Variants in IGDCC4 observed in about 807,000 individuals in gnomAD.
IGDCC4 encodes likely ortholog of mouse neighbor of Punc E11.
A neutral mutation model predicts 116.6 loss-of-function variants in IGDCC4; 72 were observed. The ratio of observed to expected loss-of-function variants is 0.62; its 90% CI spans 0.51 to 0.75. IGDCC4 has a LOEUF of 0.75. IGDCC4 is among the 30% of genes least tolerant of loss of function. IGDCC4 has a pLI of 0.00. For synonymous variants in IGDCC4, 709 were observed against 719.9 expected (o/e 0.98, Z 0.24); for missense variants, 1,501 against 1,662.4 (o/e 0.90, Z 1.69).
chr15:65,411,028 T>A lies in IGDCC4; in HGVS notation c.413A>T (p.Lys138Met). The change falls in exon 2 of 20, where the codon AAG becomes ATG. Residue 138 changes from lysine to methionine, a missense_variant. Physicochemically the swap from Lys to Met is moderately conservative, Grantham distance 95. Transcript: ENST00000352385. ...GVLASQTAVVKLATLADFSLH... is the reference protein window; with the variant it reads ...GVLASQTAVVMLATLADFSLH... The stretch of plus-strand genomic sequence containing the variant: ...CCGATGCAAGCACTTACTGGCAAGC[T>A]TGACGACAGCAGTCTGGCTGGCCAG... 5 of 1,606,992 alleles carry A rather than the reference T, an allele frequency of 3.1e-6. No individual in the cohort carries two copies. The highest frequency in any genetic ancestry group is 3.4e-6 in the Non-Finnish European group (4 of 1,174,920).
intron 1 of IGDCC4, among the ~76,000 whole-genome samples, chr15:65,417,808 G>A (rs1007744101): frequency 6.6e-6 from 1 of 152,066 alleles, no homozygotes; most frequent in Non-Finnish European, 1.5e-5. Flanking sequence ...GTTGGTCAGG[G>A]TGGTCTCGAA....
chr15:65,417,760 T>C (rs2063157756), intron 1 of IGDCC4, among the ~76,000 whole-genome samples: 1 of 152,110 alleles, frequency 6.6e-6, no homozygotes, highest in South Asian at 2.1e-4. Flanking sequence ...CATGCCTGGC[T>C]AGTTTTTGTA....
chr15:65,422,487 G>T (rs1266319323), intron 1 of IGDCC4, among the ~76,000 whole-genome samples: 1 of 148,430 alleles, frequency 6.7e-6, no homozygotes, highest in Non-Finnish European at 1.5e-5. Context: ...CGCGACCATG[G>T]CACGCACTGC....
intron 3 of IGDCC4, among the ~76,000 whole-genome samples, chr15:65,408,346 G>T (rs971801411): frequency 1.3e-5 from 2 of 152,166 alleles, no homozygotes; most frequent in African/African-American, 4.8e-5. Flanking sequence ...TAGCTCATCT[G>T]TTCTGGGTTC....
intron 3 of IGDCC4, among the ~76,000 whole-genome samples, chr15:65,406,473 C>T (rs1017113261): frequency 1.3e-5 from 2 of 152,040 alleles, no homozygotes; most frequent in African/African-American, 4.8e-5. Context: ...AGTATGAGTA[C>T]CGGGGATTTG....
rs980660947 is a variant in IGDCC4 at position 65,417,907 on chromosome 15, T to A, written c.70+4886A>T. ...CACCATGCCCAGCCTTCACTCTAGG[T>A]TTTTGACTTGCCTTTCTCCTCAACT... On this transcript the variant is annotated intron_variant, in intron 1 of 19. Coordinates refer to ENST00000352385, the MANE Select transcript of IGDCC4 (RefSeq NM_020962.3). Among the ~76,000 whole-genome samples, 65 of 152,214 alleles carry A rather than the reference T, an allele frequency of 4.3e-4. 1 individual carries two copies. Among genetic ancestry groups the A allele is most frequent in the African/African-American group, 1.5e-3 (64 of 41,522 alleles).
Position 65,393,756 on chromosome 15 carries a change from G to T in IGDCC4, c.1715-225C>A, listed in dbSNP as rs151187939. On this transcript the variant is annotated intron_variant, in intron 9 of 19. Coordinates refer to ENST00000352385, the MANE Select transcript of IGDCC4 (RefSeq NM_020962.3). This position sits in a 1 kb window ranked among gnomAD's most constrained non-coding sequence, Gnocchi z 4.6. ...GCAGGCCATCAGCCTGGGCTCAGCTGCAGGGAGAATGATGGCAGGCTTTCC... is the reference window on the plus strand; with the variant it reads ...GCAGGCCATCAGCCTGGGCTCAGCTTCAGGGAGAATGATGGCAGGCTTTCC... Among the ~76,000 whole-genome samples, 42 of 152,322 alleles carry T rather than the reference G, an allele frequency of 2.8e-4. No homozygotes were observed. The highest frequency in any genetic ancestry group is 1.0e-3 in the African/African-American group (42 of 41,582).
rs771644869 is a variant in IGDCC4, at chr15:65,392,372, TG to T, written c.1886-3del. 4 of 1,510,858 alleles carry T rather than the reference TG, an allele frequency of 2.6e-6. No homozygotes were observed. The highest frequency in any genetic ancestry group is 2.7e-6 in the Non-Finnish European group (3 of 1,127,424). 93.6% of individuals were successfully genotyped at this position (1,510,858 alleles called of 1,614,324 possible). On this transcript the variant is annotated splice_region_variant and splice_polypyrimidine_tract_variant and intron_variant, in intron 10 of 19. Coordinates refer to ENST00000352385, the MANE Select transcript of IGDCC4 (RefSeq NM_020962.3). ...TCAACTCTGCAGGGGCAAAAGGGAC[TG>T]GGGGGCAGAGGAGCAGGATGGGAAA...
intron 1 of IGDCC4, among the ~76,000 whole-genome samples, chr15:65,417,585 G>C (rs1324086665): frequency 6.6e-6 from 1 of 152,134 alleles, no homozygotes; most frequent in Non-Finnish European, 1.5e-5. Flanking sequence ...CATCATCGCA[G>C]TTATCACTCC....
Position 65,392,124 on chromosome 15 carries a change from C to A in IGDCC4, c.2122+10G>T. 6.4e-7 allele frequency: 1 copy of A among 1,569,846 alleles called. No homozygotes were observed. The highest frequency in any genetic ancestry group is 1.2e-5 in the South Asian group (1 of 86,470). Reference sequence around the variant, plus strand: ...CATCCCTCCCTCCCCCTCCCCCCAGCCCTCCTCACCTAGCTGGGTCAGCTC... The same window carrying A: ...CATCCCTCCCTCCCCCTCCCCCCAGACCTCCTCACCTAGCTGGGTCAGCTC... On this transcript the variant is annotated intron_variant, in intron 11 of 19. Transcript: ENST00000352385.
chr15:65,401,640 G>T (rs1409922312), intron 4 of IGDCC4, among the ~76,000 whole-genome samples: 1 of 152,310 alleles, frequency 6.6e-6, no homozygotes, highest in East Asian at 1.9e-4. Flanking sequence ...GCATGGCAAA[G>T]GGAAGCAAGG....
intron 3 of IGDCC4, among the ~76,000 whole-genome samples, chr15:65,407,734 C>T (rs2063053117): frequency 6.6e-6 from 1 of 151,926 alleles, no homozygotes; most frequent in African/African-American, 2.4e-5. Context: ...TCAAGTGATT[C>T]TCCTGCCTCA....
chr15:65,419,322 C>T (rs1297798357), intron 1 of IGDCC4, among the ~76,000 whole-genome samples: 1 of 151,778 alleles, frequency 6.6e-6, no homozygotes, highest in East Asian at 1.9e-4. Context: ...CTGCCTCAGC[C>T]ACACAAAGTG....
intron 16 of IGDCC4, among the ~76,000 whole-genome samples, chr15:65,387,349 G>T (rs2091469817): frequency 6.6e-6 from 1 of 150,462 alleles, no homozygotes; most frequent in Non-Finnish European, 1.5e-5. Flanking sequence ...AGCTTTTTTT[G>T]TTTTTGTTTT....
chr15:65,399,283 C>G (rs1378721392), intron 5 of IGDCC4, among the ~76,000 whole-genome samples: 8 of 151,936 alleles, frequency 5.3e-5, no homozygotes, highest in Non-Finnish European at 1.5e-5. Flanking sequence ...CCTGCCTGCG[C>G]AACATCTAGA....
At chr15:65,415,566 C>T (rs969920167) in intron 1 of IGDCC4, among the ~76,000 whole-genome samples, 4 of 152,196 alleles carry the variant, frequency 2.6e-5, no homozygotes, top group Non-Finnish European at 2.9e-5. Flanking sequence ...GTGCCAGGAG[C>T]CCAAGACAGC....
chr15:65,398,939 C>A (rs2062956662), intron 5 of IGDCC4, among the ~76,000 whole-genome samples: 1 of 152,100 alleles, frequency 6.6e-6, no homozygotes. Context: ...ATGCCCCTTC[C>A]CTGACTTAGT....
intron 1 of IGDCC4, among the ~76,000 whole-genome samples, chr15:65,418,728 C>T (rs1158003269): frequency 6.6e-6 from 1 of 152,206 alleles, no homozygotes; most frequent in Non-Finnish European, 1.5e-5. Flanking sequence ...ACTCCTCCCC[C>T]TGCCCCCAAG....
At chr15:65,421,071 C>T (rs1013821336) in intron 1 of IGDCC4, among the ~76,000 whole-genome samples, 1 of 152,168 alleles carries the variant, frequency 6.6e-6, no homozygotes, top group African/African-American at 2.4e-5. Flanking sequence ...CTGGAGTGTC[C>T]CCCGGCCTGC....
Sources: gnomAD v4.1 joint callset for allele counts (sites outside exome capture counted in the v4.1 genomes callset) on GRCh38, gnomAD v4.1.1 for gene constraint, Gnocchi (gnomAD v3.1) non-coding constraint, MANE v1.5 for transcripts, NCBI Gene and HGNC (gene_info 2026-07-23, HGNC 2026-07-21) for gene names.